Variants in STYXL2 observed in about 807,000 individuals in gnomAD.
STYXL2 encodes the protein serine/threonine/tyrosine interacting like 2.
A neutral mutation model predicts 52.4 loss-of-function variants in STYXL2; 44 were observed. That is an observed-to-expected ratio of 0.84 (90% CI 0.66 to 1.08). STYXL2 has a LOEUF of 1.08. Among genes scored for constraint, STYXL2 ranks in the 50% least tolerant of loss-of-function variants. STYXL2 has a pLI of 0.00. For synonymous variants in STYXL2, 604 were observed against 586.9 expected, an observed-to-expected ratio of 1.03 and a Z score of -0.42; for missense variants, 1,604 against 1,471.7, an observed-to-expected ratio of 1.09 and a Z score of -1.47.
Position 167,128,147 on chromosome 1 carries a change from C to T in STYXL2, c.3016C>T (p.Arg1006Trp), listed in dbSNP as rs199872759. Reference protein sequence around the residue: ...ANGNSVRSTSRFSSSSTREGR... With the variant: ...ANGNSVRSTSWFSSSSTREGR... ...TGGCAACTCTGTAAGAAGCACTTCA[C>T]GGTTCTCATCTTCCTCCACCAGGGA... The change falls in exon 6 of 6, where the codon CGG becomes TGG. Residue 1006 changes from arginine (R) to tryptophan (W), a missense_variant. Transcript: ENST00000361200. 34 of 1,614,090 alleles carry T rather than the reference C, an allele frequency of 2.1e-5. No homozygotes were observed. The highest frequency in any genetic ancestry group is 1.6e-4 in the Middle Eastern group (1 of 6,084).
rs756472833 is a variant in STYXL2 at position 167,126,863 on chromosome 1, G to T, written c.1732G>T (p.Glu578Ter). Residue 578 changes from glutamate to a stop codon, truncating the protein, a stop_gained, in exon 6 of 6, where the codon GAG (glutamate) becomes TAG (stop). Transcript: ENST00000361200. LOFTEE classifies it low-confidence loss of function (END_TRUNC). ...GCCCGGTGCAGAGGAGGCAGTAGGG[G>T]AGAAGAACCCCTCCGACGTCAGCCT... Reference protein sequence around the residue: ...GEPGAEEAVGEKNPSDVSLTA... With the variant: ...GEPGAEEAVG 2 of 1,613,992 alleles carry T rather than the reference G, an allele frequency of 1.2e-6. No homozygotes were observed. Among genetic ancestry groups the T allele is most frequent in the Non-Finnish European group, 1.7e-6 (2 of 1,179,916 alleles).
chr1:167,122,532 G>A (rs1285576014), intron 5 of STYXL2, among the ~76,000 whole-genome samples: 2 of 152,052 alleles, frequency 1.3e-5, no homozygotes, highest in Non-Finnish European at 2.9e-5. Flanking sequence ...TGAAGAAAGG[G>A]GGAATTATGA....
At chr1:167,107,058 T>C (rs1667519009) in intron 2 of STYXL2, among the ~76,000 whole-genome samples, 1 of 152,138 alleles carries the variant, frequency 6.6e-6, no homozygotes, top group African/African-American at 2.4e-5. Flanking sequence ...TCAGCTGGAG[T>C]GGCCTGATGG....
intron 5 of STYXL2, among the ~76,000 whole-genome samples, chr1:167,121,494 C>T (rs1404022522): frequency 6.6e-6 from 1 of 152,354 alleles, no homozygotes; most frequent in South Asian, 2.1e-4. Context: ...GGCCACGAGC[C>T]GGCGGTCCCC....
intron 3 of STYXL2, among the ~76,000 whole-genome samples, chr1:167,114,381 C>T (rs1022215818): frequency 6.6e-6 from 1 of 152,170 alleles, no homozygotes; most frequent in South Asian, 2.1e-4. Context: ...AGGAAATAAT[C>T]TTTTGCAATT....
intron 3 of STYXL2, among the ~76,000 whole-genome samples, chr1:167,114,534 C>A (rs1028280258): frequency 6.6e-6 from 1 of 152,198 alleles, no homozygotes; most frequent in Non-Finnish European, 1.5e-5. Context: ...CTGGTGGCCA[C>A]AATCCTTTCC....
At position 167,128,531 on chromosome 1, in the gene STYXL2, G is replaced by A. The variant is rs758777256; in HGVS notation, c.3400G>A (p.Asp1134Asn). The A allele has an allele frequency of 2.0e-5, 33 of 1,613,804 alleles. No individual in the cohort carries two copies. The East Asian group carries it at 6.9e-4, about 34-fold the overall frequency. ...TDREEEEEMD[D>N]EAIIAAWRRR... ...CAGGGAGGAAGAGGAAGAAATGGAC[G>A]ATGAAGCCATCATTGCTGCTTGGAG... Residue 1134 changes from aspartate (D) to asparagine (N), a missense_variant, in exon 6 of 6, where the codon GAT becomes AAT. Coordinates refer to ENST00000361200, the MANE Select transcript of STYXL2 (RefSeq NM_001080426.3).
At chr1:167,099,745 C>T (rs1667363290) in intron 2 of STYXL2, among the ~76,000 whole-genome samples, 1 of 152,194 alleles carries the variant, frequency 6.6e-6, no homozygotes, top group Non-Finnish European at 1.5e-5. Context: ...TATGGTTGTC[C>T]TCTGACCCAG....
rs745752891 is a variant in STYXL2 at position 167,119,323 on chromosome 1, G to A, written c.512G>A (p.Gly171Asp). Residue 171 changes from glycine to aspartate, a missense_variant, in exon 5 of 6, where the codon GGC becomes GAC. Physicochemically the swap from Gly to Asp is moderately conservative, Grantham distance 94. Coordinates refer to ENST00000361200, the MANE Select transcript of STYXL2 (RefSeq NM_001080426.3). ...ATTCTGAATGCTGCGCATGGCACCGGCGTTTACACTGGCCCCGAATTCTAC... is the reference window on the plus strand; with the variant it reads ...ATTCTGAATGCTGCGCATGGCACCGACGTTTACACTGGCCCCGAATTCTAC... ...THILNAAHGT[G>D]VYTGPEFYTG... The A allele has an allele frequency of 2.5e-6, 4 of 1,612,464 alleles. No individual in the cohort carries two copies. The African/African-American group carries it at 5.4e-5, about 22-fold the overall frequency.
At chr1:167,116,801 T>G (rs7520487) in intron 3 of STYXL2, among the ~76,000 whole-genome samples, 73,627 of 151,724 alleles carry the variant, frequency 0.49, 18,197 homozygotes, top group East Asian at 0.73. Context: ...ACAGGCACTC[T>G]CCACCACGCT....
At chr1:167,121,016 CCT>C (rs1491254631) in intron 5 of STYXL2, among the ~76,000 whole-genome samples, 1,091 of 92,736 alleles carry the variant, frequency 0.012, 6 homozygotes, top group African/African-American at 0.052. Flanking sequence ...CTTAAAAACT[CCT>C]TTTTTTTTTT....
At chr1:167,122,328 T>TCC (rs1667873632) in intron 5 of STYXL2, among the ~76,000 whole-genome samples, 1 of 152,108 alleles carries the variant, frequency 6.6e-6, no homozygotes, top group Non-Finnish European at 1.5e-5. Context: ...CCCTCTTCTT[T>TCC]CTCTCTCTAC....
chr1:167,111,511 T>C (rs948493571), intron 2 of STYXL2, among the ~76,000 whole-genome samples: 1,711 of 41,972 alleles, frequency 0.041, 13 homozygotes, highest in Middle Eastern at 0.094. Context: ...TATATATATA[T>C]ATACACACAC....
rs762874986 is a variant in STYXL2, at chr1:167,128,487, A to G, written c.3356A>G (p.Gln1119Arg). The G allele has an allele frequency of 1.2e-6, 2 of 1,613,908 alleles. No homozygotes were observed. The highest frequency in any genetic ancestry group is 1.7e-6 in the Non-Finnish European group (2 of 1,179,958). Residue 1119 changes from glutamine (Q) to arginine (R), a missense_variant, in exon 6 of 6, where the codon CAG (glutamine) becomes CGG (arginine). Transcript: ENST00000361200. ...AGGTTTGCATCTGGACGGCGGTCCC[A>G]GTATCGGAGAAGCACTGACAGGGAG... ...EGRFASGRRS[Q>R]YRRSTDREEE...
chr1:167,096,890 A>T (rs192718071), intron 2 of STYXL2, among the ~76,000 whole-genome samples: 1 of 152,292 alleles, frequency 6.6e-6, no homozygotes, highest in Non-Finnish European at 1.5e-5. Flanking sequence ...ACTGCTGCAT[A>T]TGTAGTTCCA....
chr1:167,127,340 C>T lies in STYXL2; in HGVS notation c.2209C>T (p.Gln737Ter). ...IANVVSETLA[Q>*]KQNEMLLLSR... ...CAATGTAGTCAGTGAGACCCTTGCTCAGAAGCAAAATGAAATGCTGCTGTT... is the reference window on the plus strand; with the variant it reads ...CAATGTAGTCAGTGAGACCCTTGCTTAGAAGCAAAATGAAATGCTGCTGTT... The change falls in exon 6 of 6, where the codon CAG (glutamine) becomes TAG (stop). Residue 737 changes from glutamine (Q) to a stop codon, truncating the protein, a stop_gained. Coordinates refer to ENST00000361200, the MANE Select transcript of STYXL2 (RefSeq NM_001080426.3). LOFTEE classifies it high-confidence loss of function. 6.2e-7 allele frequency: 1 copy of T among 1,614,190 alleles called. No individual in the cohort carries two copies. Among genetic ancestry groups the T allele is most frequent in the Non-Finnish European group, 8.5e-7 (1 of 1,180,046 alleles).
intron 2 of STYXL2, 137 bp downstream of exon 2, chr1:167,095,096 T>A: frequency 3.1e-6 from 2 of 641,104 alleles, no homozygotes; most frequent in Non-Finnish European, 5.5e-6. Context: ...TACTTGTATG[T>A]GTCCTACTTT....
chr1:167,113,917 G>A, intron 3 of STYXL2, 113 bp downstream of exon 3: 1 of 821,806 alleles, frequency 1.2e-6, no homozygotes, highest in Non-Finnish European at 2.1e-6. Flanking sequence ...CATCACGTTA[G>A]GAAGAGCAGA....
Position 167,113,862 on chromosome 1 carries a change from G to A in STYXL2, c.205+58G>A, listed in dbSNP as rs896641548. The A allele has an allele frequency of 2.2e-6, 3 of 1,354,156 alleles. No homozygotes were observed. In the South Asian group the frequency reaches 3.5e-5, roughly 16 times the overall value. The allele number at this position is 1,354,156 out of a possible 1,614,324, so 83.9% of individuals were successfully genotyped here. ...TCCAGTGGTCATCTGGAGACCCTTA[G>A]AGGGGGGCCATTGGAAGACGTCAAT... On this transcript the variant is annotated intron_variant, in intron 3 of 5. Transcript: ENST00000361200.
Sources: allele counts gnomAD v4.1 joint callset (sites outside exome capture counted in the v4.1 genomes callset), GRCh38; gene constraint gnomAD v4.1.1; transcripts MANE v1.5; gene names NCBI Gene and HGNC (gene_info 2026-07-23, HGNC 2026-07-21).